Variants in LATS1 observed in about 807,000 individuals in gnomAD.
The protein encoded by LATS1 is large tumor suppressor kinase 1.
LATS1 carries 25 observed loss-of-function variants against 106.6 expected under a neutral mutation model. The ratio of observed to expected loss-of-function variants is 0.23; its 90% CI spans 0.17 to 0.33. The LOEUF is 0.33. Ranked by LOEUF, LATS1 falls within the 10% of genes least tolerant of loss-of-function variation. The pLI, the probability that LATS1 is intolerant of heterozygous loss-of-function variation, is 1.00. For missense variants in LATS1, 1,040 were observed against 1,382.6 expected, an observed-to-expected ratio of 0.75 and a Z score of 3.93; for synonymous variants, 465 against 455.6, an observed-to-expected ratio of 1.02 and a Z score of -0.26.
rs778782484 is a variant in LATS1 at position 149,676,249 on chromosome 6, C to G, written c.2883+11G>C. On this transcript the variant is annotated intron_variant, in intron 7 of 7. Transcript: ENST00000543571. Reference sequence around the variant, plus strand: ...TGTGAGAATTCTTTTGATATAGATGCCATACCTTACCTTCATTTGTGTTTC... The same window carrying G: ...TGTGAGAATTCTTTTGATATAGATGGCATACCTTACCTTCATTTGTGTTTC... 2.6e-6 allele frequency: 4 copies of G among 1,541,972 alleles called. No homozygotes were observed. The highest frequency in any genetic ancestry group is 3.6e-6 in the Non-Finnish European group (4 of 1,114,404).
intron 1 of LATS1, among the ~76,000 whole-genome samples, chr6:149,709,499 C>T (rs1486301417): frequency 6.6e-6 from 1 of 152,060 alleles, no homozygotes; most frequent in East Asian, 1.9e-4. Context: ...AGGAGAGAAT[C>T]AACCCTGATA....
chr6:149,709,009 A>G (rs781212422), intron 1 of LATS1, among the ~76,000 whole-genome samples: 2 of 152,226 alleles, frequency 1.3e-5, no homozygotes, highest in Non-Finnish European at 2.9e-5. Context: ...GGGGGAAGAC[A>G]TCAGGTATGC....
chr6:149,698,635 C>A (rs1783252181), intron 2 of LATS1, among the ~76,000 whole-genome samples: 1 of 151,352 alleles, frequency 6.6e-6, no homozygotes, highest in Admixed American at 6.6e-5. Flanking sequence ...ACTGCAACCT[C>A]CGCCGCCCAG....
Position 149,659,292 on chromosome 6 carries a change from AC to A in LATS1, c.*2436del, listed in dbSNP as rs1780804915. On this transcript the variant is annotated 3_prime_UTR_variant, in exon 8 of 8. Transcript: ENST00000543571. The stretch of plus-strand genomic sequence containing the variant: ...ACACCAACCTGGGCAACATGGCGAA[AC>A]CCCATCTCTACTAAAGATACAAAAA... The A allele has an allele frequency of 5.4e-6, 1 of 183,800 alleles. No individual in the cohort carries two copies. The highest frequency in any genetic ancestry group is 1.2e-5 in the Non-Finnish European group (1 of 86,664). The allele number at this position is 183,800 out of a possible 1,614,324, so 11.4% of individuals were successfully genotyped here.
intron 7 of LATS1, among the ~76,000 whole-genome samples, chr6:149,668,847 C>G (rs567530107): frequency 6.6e-6 from 1 of 151,916 alleles, no homozygotes; most frequent in Non-Finnish European, 1.5e-5. Flanking sequence ...GTTGCCCAGG[C>G]TGGTGTGCAG....
At chr6:149,703,181 G>A (rs761202582) in intron 1 of LATS1, among the ~76,000 whole-genome samples, 7 of 151,940 alleles carry the variant, frequency 4.6e-5, no homozygotes, top group Non-Finnish European at 8.8e-5. Context: ...CACTATGTTG[G>A]CCAGGCTGGT....
At chr6:149,691,911 C>T (rs1021593453) in intron 3 of LATS1, among the ~76,000 whole-genome samples, 1 of 152,178 alleles carries the variant, frequency 6.6e-6, no homozygotes, top group Non-Finnish European at 1.5e-5. Flanking sequence ...AAGTTATCCC[C>T]TTCTACCATC....
At chr6:149,669,685 G>A (rs992685175) in intron 7 of LATS1, among the ~76,000 whole-genome samples, 1 of 151,960 alleles carries the variant, frequency 6.6e-6, no homozygotes, top group Non-Finnish European at 1.5e-5. Flanking sequence ...CTTGAACCCG[G>A]GAGGCAGAGG....
rs187759014 is a variant in LATS1, at chr6:149,701,940, G to C, written c.187C>G (p.Arg63Gly). ...NMSKMSTEDP[R>G]QVRNPPKFGT... ...AATTTGGGTGGATTTCTGACTTGTCGAGGATCTTCGGTTGACATTTTACTC... is the reference window on the plus strand; with the variant it reads ...AATTTGGGTGGATTTCTGACTTGTCCAGGATCTTCGGTTGACATTTTACTC... The change falls in exon 2 of 8, where the codon CGA becomes GGA. Residue 63 changes from arginine (R) to glycine (G), a missense_variant. Coordinates refer to ENST00000543571, the MANE Select transcript of LATS1 (RefSeq NM_004690.4). 1 of 1,614,126 alleles carries C rather than the reference G, an allele frequency of 6.2e-7. No individual in the cohort carries two copies. Among genetic ancestry groups the C allele is most frequent in the Admixed American group, 1.7e-5 (1 of 60,008 alleles).
intron 2 of LATS1, 50 bp from the exon 3 acceptor site, chr6:149,695,271 A>G (rs1782993263): frequency 7.9e-7 from 1 of 1,266,060 alleles, no homozygotes; most frequent in Non-Finnish European, 1.1e-6. Context: ...TAAATCTTAC[A>G]ATAATACAAG....
At chr6:149,698,902 C>G (rs964049666) in intron 2 of LATS1, among the ~76,000 whole-genome samples, 4 of 151,998 alleles carry the variant, frequency 2.6e-5, no homozygotes, top group Non-Finnish European at 5.9e-5. Context: ...CATAATTATG[C>G]CTTTGTTTTT....
At chr6:149,667,286 AT>A (rs977911823) in intron 7 of LATS1, among the ~76,000 whole-genome samples, 14 of 151,760 alleles carry the variant, frequency 9.2e-5, no homozygotes, top group Admixed American at 2.6e-4. Context: ...AATACAGAAA[AT>A]TAGCTGGGTG....
intron 7 of LATS1, among the ~76,000 whole-genome samples, chr6:149,675,387 G>A (rs565159693): frequency 1.5e-3 from 222 of 152,250 alleles, no homozygotes; most frequent in African/African-American, 5.1e-3. Context: ...TATTAAATCA[G>A]ACAGTGTATG....
intron 3 of LATS1, among the ~76,000 whole-genome samples, chr6:149,688,119 C>T (rs912698516): frequency 6.6e-6 from 1 of 151,820 alleles, no homozygotes; most frequent in Non-Finnish European, 1.5e-5. Context: ...TCATGATCTG[C>T]CCGTCTTGGC....
At chr6:149,684,736 T>C in intron 3 of LATS1, 144 bp from the exon 4 acceptor site, 1 of 605,130 alleles carries the variant, frequency 1.7e-6, no homozygotes, top group Non-Finnish European at 2.7e-6. Context: ...GTTCAAGTGA[T>C]CTCTTGTACA....
rs565117115 is a variant in LATS1 at position 149,713,835 on chromosome 6, T to C, written c.-141+4014A>G. 2.1e-3 allele frequency among the ~76,000 whole-genome samples: 325 copies of C among 152,146 alleles called. 2 individuals carry two copies. The highest frequency in any genetic ancestry group is 6.8e-3 in the Middle Eastern group (2 of 294). On this transcript the variant is annotated intron_variant, in intron 1 of 7. Transcript: ENST00000543571. ...CCACCATGTGTGGCTAATTTTTGTA[T>C]TTTTAGTAGAGATGGGGTTTCACCA...
Position 149,683,694 on chromosome 6 carries a change from A to G in LATS1, c.1395T>C (p.Phe465=). The G allele has an allele frequency of 6.2e-7, 1 of 1,614,200 alleles. No homozygotes were observed. The highest frequency in any genetic ancestry group is 8.5e-7 in the Non-Finnish European group (1 of 1,180,040). Residue 465 remains phenylalanine (F), a synonymous_variant, in exon 4 of 8, where the codon TTT becomes TTC. Coordinates refer to ENST00000543571, the MANE Select transcript of LATS1 (RefSeq NM_004690.4). ...TTGCTCTATTTCCTAATGGGTTATT[A>G]AAAGAATTTGACCTCACTGGTATGT... ...QPNIPVRSNS[F]NNPLGNRASH...
intron 2 of LATS1, among the ~76,000 whole-genome samples, chr6:149,700,819 T>C (rs1783410063): frequency 6.6e-6 from 1 of 152,226 alleles, no homozygotes. Context: ...GTTTCCCTCT[T>C]GTTGACCAGG....
intron 3 of LATS1, among the ~76,000 whole-genome samples, chr6:149,685,427 G>A (rs1192953229): frequency 1.3e-5 from 2 of 151,934 alleles, no homozygotes; most frequent in East Asian, 1.9e-4. Flanking sequence ...GTCTCACTCT[G>A]TCACCCAGGC....
Sources: gnomAD v4.1 joint callset for allele counts (sites outside exome capture counted in the v4.1 genomes callset) on GRCh38, gnomAD v4.1.1 for gene constraint, MANE v1.5 for transcripts, NCBI Gene and HGNC (gene_info 2026-07-23, HGNC 2026-07-21) for gene names.